TRPM3: variants seen among roughly 807,000 people sequenced by gnomAD.
TRPM3 encodes the protein transient receptor potential cation channel subfamily M member 3, also known as long transient receptor potential channel 3.
In TRPM3, 77 loss-of-function variants were observed where a neutral mutation model predicts 181.2. That is an observed-to-expected ratio of 0.42 (90% confidence interval 0.35 to 0.51). The LOEUF (loss-of-function observed/expected upper bound fraction) is 0.51. Ranked by LOEUF, TRPM3 falls within the 20% of genes least tolerant of loss-of-function variation. The probability of loss-of-function intolerance (pLI) is 0.01; values close to 1 mark genes in which losing one functional copy is unlikely to be tolerated. For missense variants in TRPM3, 1,759 were observed against 2,196.7 expected, an observed-to-expected ratio of 0.80 and a Z score of 3.98; for synonymous variants, 745 against 796.4, an observed-to-expected ratio of 0.94 and a Z score of 1.09.
chr9:70,668,672 G>GAAAAAAAAAAA (rs57929544), intron 9 of TRPM3, among the ~76,000 whole-genome samples: 24 of 86,510 alleles, frequency 2.8e-4, no homozygotes, highest in South Asian at 4.5e-4. Flanking sequence ...CTCAAAAAAA[G>GAAAAAAAAAAA]AAAAAAAAAA....
At chr9:71,357,459 A>G (rs535313830) in intron 1 of TRPM3, among the ~76,000 whole-genome samples, 19 of 152,302 alleles carry the variant, frequency 1.2e-4, no homozygotes, top group Admixed American at 1.1e-3. Flanking sequence ...TATTGTACTG[A>G]AATTCGTAGC....
intron 1 of TRPM3, among the ~76,000 whole-genome samples, chr9:70,903,690 A>C (rs2096418984): frequency 6.6e-6 from 1 of 152,186 alleles, no homozygotes; most frequent in South Asian, 2.1e-4. Flanking sequence ...CATTATCTAT[A>C]GATTATTCAA....
intron 7 of TRPM3, among the ~76,000 whole-genome samples, chr9:70,778,608 A>C (rs2081912188): frequency 6.6e-6 from 1 of 152,218 alleles, no homozygotes; most frequent in Admixed American, 6.5e-5. Context: ...AAATTTTAGA[A>C]AAGAGACAAG....
intron 1 of TRPM3, among the ~76,000 whole-genome samples, chr9:71,184,889 ACT>A (rs1318484124): frequency 3.9e-5 from 6 of 152,158 alleles, no homozygotes; most frequent in Admixed American, 1.3e-4. Flanking sequence ...TGTTTGTTTC[ACT>A]CTTATAATAA....
In TRPM3 at chr9:70,536,260, C is replaced by G. The variant is rs757979183; in HGVS notation, c.4853G>C (p.Arg1618Thr). 6.2e-7 allele frequency: 1 copy of G among 1,614,216 alleles called. No homozygotes were observed. The highest frequency in any genetic ancestry group is 1.3e-5 in the African/African-American group (1 of 75,066). ...CTGGGAGGATATTGCAATGGTGGCT[C>G]TGCGGCCTTTGGCCTCATTCTCCTC... is the stretch of plus-strand genomic sequence containing the variant. ...DSEENEAKGR[R>T]ATIAISSQEG... The change falls in exon 26 of 26, where the codon AGA becomes ACA. Residue 1618 changes from arginine (R) to threonine (T), a missense_variant. Arg to Thr is a moderately conservative substitution (Grantham distance 71, BLOSUM62 -1). Around this residue, in one of 8 missense-constraint regions of TRPM3, gnomAD observed 612 missense variants for 590.0 expected, o/e 1.04. Transcript: ENST00000677713.
At chr9:70,948,600 G>T (rs557526863) in intron 1 of TRPM3, among the ~76,000 whole-genome samples, 1 of 152,158 alleles carries the variant, frequency 6.6e-6, no homozygotes, top group Non-Finnish European at 1.5e-5. Context: ...CAATTGGAGA[G>T]ACTGTCTTCA....
At chr9:70,882,346 T>C (rs1161149069) in intron 1 of TRPM3, among the ~76,000 whole-genome samples, 1 of 152,188 alleles carries the variant, frequency 6.6e-6, no homozygotes, top group Non-Finnish European at 1.5e-5. Flanking sequence ...GGCATGAGCT[T>C]ACATAAATTA....
chr9:71,120,918 G>C (rs1340552124), intron 1 of TRPM3, among the ~76,000 whole-genome samples: 1 of 151,912 alleles, frequency 6.6e-6, no homozygotes, highest in Non-Finnish European at 1.5e-5. Context: ...GGGAGCACCA[G>C]GTAGCCCATT....
chr9:71,382,642 T>G (rs1427395868), intron 1 of TRPM3, among the ~76,000 whole-genome samples: 1 of 151,986 alleles, frequency 6.6e-6, no homozygotes, highest in African/African-American at 2.4e-5. Context: ...TTGGAATTTT[T>G]TTAAAAAAGA....
At chr9:70,772,472 C>T (rs1172280136) in intron 7 of TRPM3, among the ~76,000 whole-genome samples, 3 of 152,078 alleles carry the variant, frequency 2.0e-5, no homozygotes, top group Non-Finnish European at 2.9e-5. Flanking sequence ...TCCTGAGATG[C>T]CACCACACCT....
At chr9:71,333,181 A>T (rs2090330935) in intron 1 of TRPM3, among the ~76,000 whole-genome samples, 1 of 151,908 alleles carries the variant, frequency 6.6e-6, no homozygotes, top group Non-Finnish European at 1.5e-5. Flanking sequence ...AGGGAACATG[A>T]ATCCGTTAAG....
intron 24 of TRPM3, among the ~76,000 whole-genome samples, chr9:70,550,712 T>A (rs1291103340): frequency 6.6e-6 from 1 of 152,198 alleles, no homozygotes; most frequent in Non-Finnish European, 1.5e-5. Context: ...GAGCCCTGGA[T>A]TTTGGACCCT....
At chr9:70,761,813 G>A (rs1642645524) in intron 7 of TRPM3, 89 bp from the exon 8 acceptor site, 1 of 1,461,898 alleles carries the variant, frequency 6.8e-7, no homozygotes, top group Non-Finnish European at 9.2e-7. Flanking sequence ...AGGAAATAAT[G>A]AGGGTTTACT....
At chr9:71,193,184 A>G in intron 1 of TRPM3, among the ~76,000 whole-genome samples, 1 of 151,784 alleles carries the variant, frequency 6.6e-6, no homozygotes. Context: ...CATTTTCTCT[A>G]TAATGATGTG....
At chr9:71,442,393 G>A (rs1409186111) in intron 1 of TRPM3, among the ~76,000 whole-genome samples, 1 of 152,058 alleles carries the variant, frequency 6.6e-6, no homozygotes, top group Admixed American at 6.5e-5. Flanking sequence ...TTGAAAACAA[G>A]CTTTTAAATA....
intron 9 of TRPM3, among the ~76,000 whole-genome samples, chr9:70,672,502 C>A (rs2063164296): frequency 6.6e-6 from 1 of 152,180 alleles, no homozygotes; most frequent in Admixed American, 6.5e-5. Context: ...TGTGAACTTA[C>A]AAATCTGTTT....
intron 8 of TRPM3, among the ~76,000 whole-genome samples, chr9:70,757,448 A>G (rs1310686308): frequency 6.6e-6 from 1 of 152,196 alleles, no homozygotes; most frequent in Non-Finnish European, 1.5e-5. Flanking sequence ...TATTCCAAAA[A>G]ATAGAAAAAG....
At chr9:70,900,735 G>A (rs941797415) in intron 1 of TRPM3, among the ~76,000 whole-genome samples, 2 of 152,080 alleles carry the variant, frequency 1.3e-5, no homozygotes, top group Admixed American at 6.5e-5. Context: ...TTCTGATGCC[G>A]CCCTAAATCG....
At chr9:71,248,436 G>T (rs1282595674) in intron 1 of TRPM3, among the ~76,000 whole-genome samples, 2 of 152,160 alleles carry the variant, frequency 1.3e-5, no homozygotes, top group African/African-American at 2.4e-5. Flanking sequence ...GAACACACCA[G>T]GGGACAAAGC....
Sources: gnomAD v4.1 joint callset for allele counts (sites outside exome capture counted in the v4.1 genomes callset) on GRCh38, gnomAD v4.1.1 for gene constraint, gnomAD v4.1.1 regional missense constraint, MANE v1.5 for transcripts, NCBI Gene and HGNC (gene_info 2026-07-23, HGNC 2026-07-21) for gene names.